The following MEFV variants were observed in gnomAD, a reference collection of about 807,000 sequenced individuals.
MEFV encodes MEFV innate immunity regulator, pyrin.
MEFV carries 60 observed loss-of-function variants against 62.5 expected under a neutral mutation model. The ratio of observed to expected loss-of-function variants is 0.96; its 90% CI spans 0.78 to 1.19. The LOEUF (loss-of-function observed/expected upper bound fraction) is 1.19, where lower values mean the gene tolerates loss of function less well. MEFV is among the 50% of genes most tolerant of loss of function. The pLI, the probability that MEFV is intolerant of heterozygous loss-of-function variation, is 0.00. For synonymous variants in MEFV, 500 were observed against 415.2 expected (o/e 1.20, Z -2.48); for missense variants, 1,169 against 1,004.5 (o/e 1.16, Z -2.21).
At chr16:3,246,112 T>A (rs1958939244) in intron 6 of MEFV, among the ~76,000 whole-genome samples, 1 of 152,168 alleles carries the variant, frequency 6.6e-6, no homozygotes, top group African/African-American at 2.4e-5. Context: ...AGGCTTAGCC[T>A]CTTCCTGTCC....
At chr16:3,244,156 T>G (rs1172912953) in intron 8 of MEFV, 98 bp downstream of exon 8, 2 of 1,159,282 alleles carry the variant, frequency 1.7e-6, no homozygotes, top group Non-Finnish European at 2.3e-6. Context: ...GGTGTTTGGT[T>G]TTTTTTTTTG....
intron 1 of MEFV, 126 bp downstream of exon 1, chr16:3,256,185 G>C: frequency 8.6e-7 from 1 of 1,161,420 alleles, no homozygotes; most frequent in South Asian, 1.3e-5. Flanking sequence ...AAAGTCATCT[G>C]GATTTTGGTA....
At chr16:3,256,046 A>G (rs1959110951) in intron 1 of MEFV, among the ~76,000 whole-genome samples, 1 of 152,196 alleles carries the variant, frequency 6.6e-6, no homozygotes, top group African/African-American at 2.4e-5. Context: ...AGAAGTCTCA[A>G]AGAACAGGTG....
intron 6 of MEFV, among the ~76,000 whole-genome samples, chr16:3,245,849 G>C (rs535768029): frequency 1.6e-4 from 24 of 152,200 alleles, no homozygotes; most frequent in African/African-American, 5.8e-4. Context: ...TAACAAAGCA[G>C]GGTCTCAAGC....
chr16:3,244,128 T>A (rs1201349698), intron 8 of MEFV, 126 bp downstream of exon 8: 6 of 1,559,856 alleles, frequency 3.8e-6, no homozygotes, highest in Admixed American at 1.9e-5. Context: ...CCATGACCTT[T>A]CTCCTACCTT....
chr16:3,251,495 G>A (rs565357585), intron 2 of MEFV, among the ~76,000 whole-genome samples: 9 of 152,312 alleles, frequency 5.9e-5, no homozygotes, highest in South Asian at 2.1e-4. Flanking sequence ...GCCTGGGACC[G>A]CCTGTGTATC....
At position 3,254,770 on chromosome 16, in the gene MEFV, C is replaced by G. The variant is rs772332566; in HGVS notation, c.298G>C (p.Gly100Arg). The G allele has an allele frequency of 9.9e-6, 16 of 1,612,300 alleles. No homozygotes were observed. Among genetic ancestry groups the G allele is most frequent in the Non-Finnish European group, 1.0e-5 (12 of 1,180,018 alleles). Residue 100 changes from glycine to arginine, a missense_variant, in exon 2 of 10, where the codon GGC becomes CGC. Gly to Arg is a moderately radical substitution (Grantham distance 125). Transcript: ENST00000219596. ...CTGGACGCTGCGGAATCATCTGTGC[C>G]GTTTTCTTGTGTGGAATATTCTGGA... ...AIQEYSTQEN[G>R]TDDSAASSSL...
rs971489905 is a variant in MEFV, at chr16:3,243,253, C to T, written c.2234G>A (p.Ser745Asn). ...TTGAAGGGGCCCAGAGAAAGAGCAGCTGGCGAATGTATAGATGTGGGATCT... is the reference window on the plus strand; with the variant it reads ...TTGAAGGGGCCCAGAGAAAGAGCAGTTGGCGAATGTATAGATGTGGGATCT... ...TARSHIYTFA[S>N]CSFSGPLQPI... The change falls in exon 10 of 10, where the codon AGC becomes AAC. Residue 745 changes from serine to asparagine, a missense_variant. Coordinates refer to ENST00000219596, the MANE Select transcript of MEFV (RefSeq NM_000243.3). 3.1e-6 allele frequency: 5 copies of T among 1,614,084 alleles called. No homozygotes were observed. The African/African-American group carries it at 6.7e-5, about 22-fold the overall frequency.
intron 7 of MEFV, 70 bp downstream of exon 7, chr16:3,244,403 G>T: frequency 6.4e-7 from 1 of 1,568,872 alleles, no homozygotes; most frequent in Admixed American, 1.7e-5. Context: ...GGAAGTGAGG[G>T]GCTCTGGGCT....
Position 3,248,485 on chromosome 16 carries a change from G to A in MEFV, c.1356+424C>T, listed in dbSNP as rs145826624. 5.8e-3 allele frequency: 1,437 copies of A among 247,772 alleles called. 14 individuals carry two copies. The highest frequency in any genetic ancestry group is 0.03 in the African/African-American group (1,307 of 44,298). 15.3% of individuals were successfully genotyped at this position (247,772 alleles called of 1,614,324 possible). A position where few individuals can be genotyped will look rare whatever the true frequency, so the allele number is the denominator to read the frequency against. On this transcript the variant is annotated intron_variant, in intron 4 of 9. Coordinates refer to ENST00000219596, the MANE Select transcript of MEFV (RefSeq NM_000243.3). Reference sequence around the variant, plus strand: ...CTCACCTATAATCCCAGCTACTCAGGAGGCTGAGGCAGGAGAATCGCTTGA... The same window carrying A: ...CTCACCTATAATCCCAGCTACTCAGAAGGCTGAGGCAGGAGAATCGCTTGA...
In MEFV at chr16:3,254,405, C is replaced by G. The variant is rs104895162; in HGVS notation, c.663G>C (p.Pro221=). Residue 221 remains proline (P), a synonymous_variant, in exon 2 of 10, where the codon CCG becomes CCC. Transcript: ENST00000219596. The part of the protein sequence containing the change: ...GRLQGLAGGA[P]GQKECRPFEV... Reference sequence around the variant, plus strand: ...CGAAGGGCCTGCACTCCTTCTGCCCCGGGGCGCCCCCCGCCAGCCCCTGCA... The same window carrying G: ...CGAAGGGCCTGCACTCCTTCTGCCCGGGGGCGCCCCCCGCCAGCCCCTGCA... 6.7e-5 allele frequency: 108 copies of G among 1,612,860 alleles called. No individual in the cohort carries two copies. Among genetic ancestry groups the G allele is most frequent in the Middle Eastern group, 6.6e-4 (4 of 6,018 alleles).
At chr16:3,249,291 GT>G in intron 3 of MEFV, 139 bp downstream of exon 3, 1 of 820,440 alleles carries the variant, frequency 1.2e-6, no homozygotes, top group Non-Finnish European at 2.0e-6. Context: ...TGCTGGACTG[GT>G]TTATATTGTG....
In MEFV at chr16:3,243,530, G is replaced by A. The variant is rs375716505; in HGVS notation, c.1957C>T (p.Arg653Cys). 1.7e-5 allele frequency: 28 copies of A among 1,613,660 alleles called. No homozygotes were observed. Among genetic ancestry groups the A allele is most frequent in the African/African-American group, 1.5e-4 (11 of 74,972 alleles). The change falls in exon 10 of 10, where the codon CGT becomes TGT. Residue 653 changes from arginine to cysteine, a missense_variant. Arg to Cys is a radical substitution (Grantham distance 180, BLOSUM62 -3). Transcript: ENST00000219596. ...TCTCCAACCTCCACCTCCCAGTAAC[G>A]GCGGCCAGAGAGGAAACTCGGAGAG... ...LGSPSFLSGR[R>C]YWEVEVGDKT...
In MEFV at chr16:3,251,412, A is replaced by G. The variant is rs375648135; in HGVS notation, c.911-1632T>C. Among the ~76,000 whole-genome samples, 23 of 152,252 alleles carry G rather than the reference A, an allele frequency of 1.5e-4. No individual in the cohort carries two copies. The South Asian group carries it at 4.8e-3, about 32-fold the overall frequency. ...CCTGGCATGAGGACGTCACCTTCTG[A>G]GAGCAGAAGCTTGAGGACAAACTTG... On this transcript the variant is annotated intron_variant, in intron 2 of 9. Transcript: ENST00000219596.
chr16:3,242,166 C>G lies in MEFV; in HGVS notation c.*975G>C, dbSNP rs11466054. 1 of 229,390 alleles carries G rather than the reference C, an allele frequency of 4.4e-6. No homozygotes were observed. The highest frequency in any genetic ancestry group is 1.8e-4 in the East Asian group (1 of 5,576). The allele number at this position is 229,390 out of a possible 1,614,324, so 14.2% of individuals were successfully genotyped here. A position where few individuals can be genotyped will look rare whatever the true frequency, so the allele number is the denominator to read the frequency against. On this transcript the variant is annotated 3_prime_UTR_variant, in exon 10 of 10. Transcript: ENST00000219596. The stretch of plus-strand genomic sequence containing the variant: ...TCACCTGAGGTCAGGAGTTTGAGAC[C>G]GGCCTGGCCAACATGATGAAACCTC...
At position 3,254,310 on chromosome 16, in the gene MEFV, G is replaced by T. The variant is rs768336098; in HGVS notation, c.758C>A (p.Ala253Glu). The change falls in exon 2 of 10, where the codon GCG (alanine) becomes GAG (glutamate). Residue 253 changes from alanine to glutamate, a missense_variant. Coordinates refer to ENST00000219596, the MANE Select transcript of MEFV (RefSeq NM_000243.3). ...LEVTISTGEK[A>E]PANPEILLTL... The stretch of plus-strand genomic sequence containing the variant: ...CAGGAGAATTTCTGGATTTGCGGGC[G>T]CCTTCTCCCCTGTAGAAATGGTGAC... 19 of 1,614,210 alleles carry T rather than the reference G, an allele frequency of 1.2e-5. No individual in the cohort carries two copies. The highest frequency in any genetic ancestry group is 1.6e-5 in the Non-Finnish European group (19 of 1,180,038).
chr16:3,249,932 C>A (rs1440861899), intron 2 of MEFV, 152 bp from the exon 3 acceptor site: 1 of 702,964 alleles, frequency 1.4e-6, no homozygotes, highest in African/African-American at 1.8e-5. Flanking sequence ...CCCCCGACTT[C>A]CATCCAGTGA....
At chr16:3,246,340 G>T in intron 6 of MEFV, 185 bp downstream of exon 6, 2 of 664,382 alleles carry the variant, frequency 3.0e-6, no homozygotes, top group African/African-American at 1.8e-5. Flanking sequence ...CAGCCTCCCT[G>T]CTGACCAGAT....
At chr16:3,249,275 CCT>C (rs1958993926) in intron 3 of MEFV, among the ~76,000 whole-genome samples, 154 bp downstream of exon 3, 1 of 152,232 alleles carries the variant, frequency 6.6e-6, no homozygotes, top group Non-Finnish European at 1.5e-5. Flanking sequence ...CTGTAGCTCC[CCT>C]CTTTGCTGGA....
Sources: allele counts gnomAD v4.1 joint callset (sites outside exome capture counted in the v4.1 genomes callset), GRCh38; gene constraint gnomAD v4.1.1; transcripts MANE v1.5; gene names NCBI Gene and HGNC (gene_info 2026-07-23, HGNC 2026-07-21).